STAC2: variants seen among roughly 807,000 people sequenced by gnomAD.
STAC2 encodes SH3 and cysteine rich domain 2.
STAC2 carries 36 observed loss-of-function variants against 49.0 expected under a neutral mutation model. The observed-to-expected ratio is 0.74, with a 90% CI of 0.56 to 0.97. The LOEUF is 0.97. Ranked by LOEUF, STAC2 falls within the 50% of genes least tolerant of loss-of-function variation. STAC2 has a pLI of 0.00. For missense variants in STAC2, 527 were observed against 543.8 expected (o/e 0.97, Z 0.31); for synonymous variants, 239 against 214.7 (o/e 1.11, Z -0.99).
At chr17:39,222,937 T>C (rs2144262275) in intron 1 of STAC2, among the ~76,000 whole-genome samples, 1 of 152,194 alleles carries the variant, frequency 6.6e-6, no homozygotes, top group South Asian at 2.1e-4. Context: ...ACAGCAGAGA[T>C]GGCATGGGGT....
At chr17:39,214,041 G>A (rs1017081575) in intron 8 of STAC2, among the ~76,000 whole-genome samples, 192 bp downstream of exon 8, 4 of 151,998 alleles carry the variant, frequency 2.6e-5, no homozygotes, top group African/African-American at 7.2e-5. Context: ...GCACTCGCTG[G>A]GCAGCCCAGT....
chr17:39,216,775 T>A, intron 4 of STAC2, 35 bp downstream of exon 4: 1 of 1,540,724 alleles, frequency 6.5e-7, no homozygotes, highest in Non-Finnish European at 8.8e-7. Flanking sequence ...CCCACCACAA[T>A]GGGAGCAGGG....
At chr17:39,222,336 G>A (rs1235058095) in intron 1 of STAC2, among the ~76,000 whole-genome samples, 1 of 152,178 alleles carries the variant, frequency 6.6e-6, no homozygotes, top group Non-Finnish European at 1.5e-5. Context: ...GGGCAGCCCC[G>A]ACTCTGCCGG....
chr17:39,212,886 G>A, intron 10 of STAC2, 109 bp downstream of exon 10: 1 of 1,504,670 alleles, frequency 6.6e-7, no homozygotes, highest in Non-Finnish European at 8.9e-7. Flanking sequence ...CCCCTCAACT[G>A]CCAAGATCAG....
chr17:39,215,003 G>T lies in STAC2; in HGVS notation c.720C>A (p.Thr240=), dbSNP rs35272507. 1 of 1,613,952 alleles carries T rather than the reference G, an allele frequency of 6.2e-7. No homozygotes were observed. The highest frequency in any genetic ancestry group is 8.5e-7 in the Non-Finnish European group (1 of 1,179,968). Residue 240 remains threonine, a synonymous_variant, in exon 6 of 11, where the codon ACC becomes ACA. Transcript: ENST00000333461. ...TGCGGATGCTGCCTTCCCCATCCTC[G>T]GTCAGCTCATCCCGCTCACTCTAGG... is the stretch of plus-strand genomic sequence containing the variant. ...TRSLSERDEL[T]EDGEGSIRSS...
chr17:39,223,331 C>T (rs1411110632), intron 1 of STAC2, among the ~76,000 whole-genome samples: 2 of 152,164 alleles, frequency 1.3e-5, no homozygotes, highest in Non-Finnish European at 2.9e-5. Flanking sequence ...TCTCTGCCCA[C>T]CTCTGCCCTG....
chr17:39,216,351 T>A (rs1209593702), intron 4 of STAC2, among the ~76,000 whole-genome samples: 2 of 152,204 alleles, frequency 1.3e-5, no homozygotes, highest in Admixed American at 6.5e-5. Flanking sequence ...GGTGATTGAT[T>A]GATGATTTGC....
At chr17:39,221,472 T>A (rs552116929) in intron 1 of STAC2, among the ~76,000 whole-genome samples, 3 of 152,316 alleles carry the variant, frequency 2.0e-5, no homozygotes, top group Admixed American at 6.5e-5. Context: ...TCTGAGGGGC[T>A]GTCATGGTCA....
intron 2 of STAC2, 70 bp downstream of exon 2, chr17:39,217,797 C>T: frequency 1.4e-6 from 2 of 1,476,612 alleles, no homozygotes; most frequent in South Asian, 1.2e-5. Flanking sequence ...ATATTGGGCG[C>T]AACATGAGCC....
rs1250122351 is a variant in STAC2, at chr17:39,218,269, A to G, written c.91-96T>C. Reference sequence around the variant, plus strand: ...TGTCTCTGGCGGTAGGGGCGGCAGCAGCAGCAGCAGCAGCAGCGTGGGGGC... The same window carrying G: ...TGTCTCTGGCGGTAGGGGCGGCAGCGGCAGCAGCAGCAGCAGCGTGGGGGC... On this transcript the variant is annotated intron_variant, in intron 1 of 10. Transcript: ENST00000333461. 14 of 1,204,276 alleles carry G rather than the reference A, an allele frequency of 1.2e-5. No individual in the cohort carries two copies. In the East Asian group the frequency reaches 2.6e-4, roughly 22 times the overall value. The allele number at this position is 1,204,276 out of a possible 1,614,324, so 74.6% of individuals were successfully genotyped here.
rs1246956906 is a variant in STAC2, at chr17:39,218,091, G to C, written c.173C>G (p.Ser58Cys). The change falls in exon 2 of 11, where the codon TCT (serine) becomes TGT (cysteine). Residue 58 changes from serine (S) to cysteine (C), a missense_variant. By Grantham distance (112) the Ser-to-Cys change is moderately radical. Coordinates refer to ENST00000333461, the MANE Select transcript of STAC2 (RefSeq NM_198993.5). ...SLENFFLRSG[S>C]ELKCPTEVLL... is the part of the protein sequence containing the mutation. ...CACCTCGGTGGGGCACTTGAGCTCA[G>C]AGCCCGAGCGAAGGAAGAAGTTCTC... 2.5e-6 allele frequency: 4 copies of C among 1,612,978 alleles called. No homozygotes were observed. Among genetic ancestry groups the C allele is most frequent in the Non-Finnish European group, 3.4e-6 (4 of 1,180,010 alleles).
In STAC2 at chr17:39,215,194, AG is replaced by A; in HGVS notation, c.622del (p.Leu208CysfsTer9). 6.2e-7 allele frequency: 1 copy of A among 1,614,006 alleles called. No homozygotes were observed. The highest frequency in any genetic ancestry group is 8.5e-7 in the Non-Finnish European group (1 of 1,179,990). On this transcript the variant is annotated frameshift_variant, in exon 5 of 11. Coordinates refer to ENST00000333461, the MANE Select transcript of STAC2 (RefSeq NM_198993.5). LOFTEE classifies it high-confidence loss of function. ...SGKVDPVYET[L>X]RYGTSLALMN... ...CAGTGCCAGGGAGGTGCCATAGCGC[AG>A]GGTCTCGTAGACAGGGTCCACCTTC...
Position 39,212,380 on chromosome 17 carries a change from C to G in STAC2, c.1148G>C (p.Gly383Ala). The G allele has an allele frequency of 6.2e-7, 1 of 1,608,386 alleles. No homozygotes were observed. ...LKENQICVGV[G>A]RSKDADGFIR... The stretch of plus-strand genomic sequence containing the variant: ...GAAGCCGTCAGCATCCTTGCTTCTG[C>G]CCACGCCCACGCAGATCTGAGCCAG... Residue 383 changes from glycine (G) to alanine (A), a missense_variant, in exon 11 of 11, where the codon GGC becomes GCC. Coordinates refer to ENST00000333461, the MANE Select transcript of STAC2 (RefSeq NM_198993.5).
Position 39,225,381 on chromosome 17 carries a change from G to A in STAC2, c.90+32C>T, listed in dbSNP as rs781588067. On this transcript the variant is annotated intron_variant, in intron 1 of 10. Transcript: ENST00000333461. The surrounding 1 kb of genome is among the most constrained non-coding windows in gnomAD (Gnocchi z 8.2). ...CCGGGAAGAGGGCGCCCGGGCCCGG[G>A]GCGCGGACAGGCCTTGCGCCCCCCA... 1 of 1,568,122 alleles carries A rather than the reference G, an allele frequency of 6.4e-7. No individual in the cohort carries two copies. The highest frequency in any genetic ancestry group is 8.6e-7 in the Non-Finnish European group (1 of 1,161,858).
At position 39,221,061 on chromosome 17, in the gene STAC2, G is replaced by C. The variant is rs148210565; in HGVS notation, c.91-2888C>G. On this transcript the variant is annotated intron_variant, in intron 1 of 10. Coordinates refer to ENST00000333461, the MANE Select transcript of STAC2 (RefSeq NM_198993.5). The stretch of plus-strand genomic sequence containing the variant: ...TCCGCCTGTTTCGGCCTCCCAAAGT[G>C]CTAGGATTACAGGCGTGAGCCACCA... 5.0e-3 allele frequency among the ~76,000 whole-genome samples: 756 copies of C among 151,852 alleles called. 5 individuals carry two copies. Among genetic ancestry groups the C allele is most frequent in the African/African-American group, 0.017 (713 of 41,338 alleles).
chr17:39,214,695 C>A, intron 7 of STAC2, 96 bp downstream of exon 7: 2 of 1,409,916 alleles, frequency 1.4e-6, no homozygotes, highest in South Asian at 1.3e-5. Context: ...TGAATCCCCA[C>A]GCACCATGCT....
Position 39,214,310 on chromosome 17 carries a change from C to T in STAC2, c.864G>A (p.Arg288=). The T allele has an allele frequency of 6.2e-7, 1 of 1,614,048 alleles. No homozygotes were observed. The highest frequency in any genetic ancestry group is 1.7e-5 in the Admixed American group (1 of 60,006). ...AGGAGTACATGGGCCCCACATCCTT[C>T]CGCAGGGTGGCTTTGGGGAGCTGCG... The part of the protein sequence containing the change: ...PGQQLPKATL[R]KDVGPMYSYV... Residue 288 remains arginine, a synonymous_variant, in exon 8 of 11, where the codon CGG becomes CGA. Transcript: ENST00000333461.
chr17:39,222,014 G>A (rs921980201), intron 1 of STAC2, among the ~76,000 whole-genome samples: 2 of 152,206 alleles, frequency 1.3e-5, no homozygotes, highest in Admixed American at 6.5e-5. Context: ...TCCAATGGCT[G>A]CAAAGTGCTT....
chr17:39,213,917 T>A (rs925780972), intron 8 of STAC2, among the ~76,000 whole-genome samples: 3 of 152,100 alleles, frequency 2.0e-5, no homozygotes, highest in African/African-American at 7.2e-5. Context: ...CCTCAAGTGA[T>A]CTGCCAGCCT....
Sources: gnomAD v4.1 joint callset for allele counts (sites outside exome capture counted in the v4.1 genomes callset) on GRCh38, gnomAD v4.1.1 for gene constraint, Gnocchi (gnomAD v3.1) non-coding constraint, MANE v1.5 for transcripts, NCBI Gene and HGNC (gene_info 2026-07-23, HGNC 2026-07-21) for gene names.